Variants in MAP3K15 observed in about 807,000 individuals in gnomAD.
MAP3K15 encodes the protein MAPK/ERK kinase kinase 15.
MAP3K15 carries 124 observed loss-of-function variants against 99.5 expected under a neutral mutation model. The observed-to-expected ratio is 1.25, with a 90% CI of 1.08 to 1.45. MAP3K15 has a LOEUF of 1.45. Among genes scored for constraint, MAP3K15 ranks in the 40% most tolerant of loss-of-function variants. The probability of loss-of-function intolerance (pLI) is 0.00; values close to 1 mark genes in which losing one functional copy is unlikely to be tolerated. For missense variants in MAP3K15, 1,242 were observed against 1,079.7 expected, an observed-to-expected ratio of 1.15 and a Z score of -2.11; for synonymous variants, 494 against 439.6, an observed-to-expected ratio of 1.12 and a Z score of -1.55.
intron 6 of MAP3K15, among the ~76,000 whole-genome samples, chrX:19,447,599 C>T (rs1305796963): frequency 3.6e-5 from 4 of 109,980 alleles, no homozygotes; most frequent in African/African-American, 6.6e-5. Context: ...AACTCACCCA[C>T]GAGGCCGGGC....
At chrX:19,414,901 T>C (rs951391132) in intron 10 of MAP3K15, among the ~76,000 whole-genome samples, 1 of 111,984 alleles carries the variant, frequency 8.9e-6, no homozygotes, top group South Asian at 3.7e-4. Context: ...TTGCTTCCAA[T>C]TGAGAATGAC....
intron 1 of MAP3K15, among the ~76,000 whole-genome samples, chrX:19,507,433 G>A (rs758528092): frequency 2.4e-4 from 26 of 107,369 alleles, no homozygotes; most frequent in Non-Finnish European, 4.6e-4. Context: ...AAAATTAGCC[G>A]GGCACTGTGG....
At chrX:19,512,110 T>G (rs892562019) in intron 1 of MAP3K15, among the ~76,000 whole-genome samples, 1 of 108,426 alleles carries the variant, frequency 9.2e-6, no homozygotes, top group African/African-American at 3.4e-5. Context: ...TAAGTGGGAG[T>G]TGAACAATGA....
chrX:19,464,236 A>T lies in MAP3K15; in HGVS notation c.696T>A (p.Leu232=). The T allele has an allele frequency of 8.3e-7, 1 of 1,199,493 alleles. No homozygotes were observed. Among genetic ancestry groups the T allele is most frequent in the Non-Finnish European group, 1.1e-6 (1 of 894,748 alleles). ...ACCATGAGGTCACGTGGATGTCCTT[A>T]AGGAGGCTAATGAACCTGTCCACCA... ...MPLVDRFISL[L]KDIHVTSCVY... The change falls in exon 4 of 29, where the codon CTT becomes CTA. Residue 232 remains leucine (L), a synonymous_variant. Transcript: ENST00000338883.
At chrX:19,463,168 C>T (rs1569233290) in intron 4 of MAP3K15, among the ~76,000 whole-genome samples, 1 of 112,181 alleles carries the variant, frequency 8.9e-6, no homozygotes, top group Non-Finnish European at 1.9e-5. Context: ...CACAAAATGT[C>T]CCCCATTTGC....
chrX:19,432,230 AACAT>A (rs1250187698), intron 6 of MAP3K15, among the ~76,000 whole-genome samples: 1 of 110,944 alleles, frequency 9.0e-6, no homozygotes, highest in African/African-American at 3.3e-5. Context: ...AACTAAATGC[AACAT>A]ACATAGTCTG....
chrX:19,403,828 C>A (rs773929939), intron 13 of MAP3K15, among the ~76,000 whole-genome samples: 3 of 110,923 alleles, frequency 2.7e-5, no homozygotes, highest in South Asian at 7.6e-4. Flanking sequence ...TTAAGACTTT[C>A]TCAAATTACA....
intron 6 of MAP3K15, among the ~76,000 whole-genome samples, chrX:19,452,587 T>C (rs891637762): frequency 3.9e-4 from 44 of 111,989 alleles, no homozygotes; most frequent in Non-Finnish European, 8.1e-4. Context: ...GTAACCTAAA[T>C]GTCCATCGAC....
intron 4 of MAP3K15, among the ~76,000 whole-genome samples, chrX:19,462,902 T>A (rs1404320808): frequency 8.9e-6 from 1 of 112,444 alleles, no homozygotes; most frequent in Non-Finnish European, 1.9e-5. Flanking sequence ...AATAGGTATT[T>A]CAAGCCCTTT....
Position 19,373,649 on chromosome X carries a change from G to T in MAP3K15, c.2820C>A (p.Pro940=). ...VVLALPTQGE[P]MATSSSEHGS... is the part of the protein sequence containing the mutation. ...CGTGCTCGCTGCTGCTGGTGGCCAT[G>T]GGCTCTCCCTGTGTGGGCAGGGCCA... Residue 940 remains proline, a synonymous_variant, in exon 21 of 29, where the codon CCC becomes CCA. Transcript: ENST00000338883. 1 of 1,201,519 alleles carries T rather than the reference G, an allele frequency of 8.3e-7. No individual in the cohort carries two copies. The highest frequency in any genetic ancestry group is 1.1e-6 in the Non-Finnish European group (1 of 893,124).
At chrX:19,421,871 T>G (rs13304976) in intron 9 of MAP3K15, among the ~76,000 whole-genome samples, 2 of 109,105 alleles carry the variant, frequency 1.8e-5, no homozygotes, top group Non-Finnish European at 3.8e-5. Flanking sequence ...TCAGAAATAA[T>G]GCCGCATAGC....
intron 28 of MAP3K15, 143 bp downstream of exon 28, chrX:19,361,196 G>A (rs1259156243): frequency 8.4e-6 from 4 of 477,765 alleles, no homozygotes; most frequent in Non-Finnish European, 1.4e-5. Flanking sequence ...TTCAGTTTCT[G>A]CCCCACCTTG....
At chrX:19,448,905 C>T (rs1252280308) in intron 6 of MAP3K15, among the ~76,000 whole-genome samples, 1 of 109,525 alleles carries the variant, frequency 9.1e-6, no homozygotes, top group Non-Finnish European at 1.9e-5. Context: ...ATTTTTAAAG[C>T]CTCAAATTAA....
chrX:19,413,503 G>T, intron 10 of MAP3K15, 39 bp from the exon 11 acceptor site: 1 of 1,042,102 alleles, frequency 9.6e-7, no homozygotes, highest in South Asian at 2.0e-5. Flanking sequence ...TACATGGGTA[G>T]AAAACATAGC....
In MAP3K15 at chrX:19,515,251, C is replaced by G; in HGVS notation, c.11G>C (p.Gly4Ala). The G allele has an allele frequency of 1.1e-6, 1 of 892,120 alleles. No individual in the cohort carries two copies. Among genetic ancestry groups the G allele is most frequent in the Non-Finnish European group, 1.4e-6 (1 of 726,312 alleles). The allele number at this position is 892,120 out of a possible 1,213,427, so 73.5% of individuals were successfully genotyped here. A position where few individuals can be genotyped will look rare whatever the true frequency, so the allele number is the denominator to read the frequency against. ...GGCCCCGGCCGGAGCATTCCCACCG[C>G]CGCTCTCCATGTGCCCGCCTGCGCG... MES[G>A]GGNAPAGALG... Residue 4 changes from glycine to alanine, a missense_variant, in exon 1 of 29, where the codon GGC (glycine) becomes GCC (alanine). Physicochemically the swap from Gly to Ala is moderately conservative, Grantham distance 60 (BLOSUM62 0). Coordinates refer to ENST00000338883, the MANE Select transcript of MAP3K15 (RefSeq NM_001001671.4).
At chrX:19,377,153 A>T (rs1351405878) in intron 19 of MAP3K15, among the ~76,000 whole-genome samples, 1 of 112,504 alleles carries the variant, frequency 8.9e-6, no homozygotes, top group Non-Finnish European at 1.9e-5. Flanking sequence ...AAAGGAATGA[A>T]GGATCCCAGA....
In MAP3K15 at chrX:19,456,903, T is replaced by C. The variant is rs751102037; in HGVS notation, c.995+10A>G. The C allele has an allele frequency of 2.3e-5, 27 of 1,150,456 alleles. No homozygotes were observed. The South Asian group carries it at 4.9e-4, about 21-fold the overall frequency. The allele number at this position is 1,150,456 out of a possible 1,213,427, so 94.8% of individuals were successfully genotyped here. A position where few individuals can be genotyped will look rare whatever the true frequency, so the allele number is the denominator to read the frequency against. On this transcript the variant is annotated intron_variant, in intron 6 of 28. Coordinates refer to ENST00000338883, the MANE Select transcript of MAP3K15 (RefSeq NM_001001671.4). ...TGTTTCAAAACCTGTACGTACATTA[T>C]CGTTCTTACCTATTCAGTGCAAACG...
At position 19,360,381 on chromosome X, in the gene MAP3K15, C is replaced by A. The variant is rs1042452; in HGVS notation, c.*368G>T. 1 of 162,995 alleles carries A rather than the reference C, an allele frequency of 6.1e-6. No homozygotes were observed. Among genetic ancestry groups the A allele is most frequent in the Non-Finnish European group, 1.2e-5 (1 of 86,944 alleles). The allele number at this position is 162,995 out of a possible 1,213,427, so 13.4% of individuals were successfully genotyped here. Reference sequence around the variant, plus strand: ...GGGTGTACTTTTTTTGAGACAGGGTCGGGCTCTGTTGCCCAGGCTGGAGTG... The same window carrying A: ...GGGTGTACTTTTTTTGAGACAGGGTAGGGCTCTGTTGCCCAGGCTGGAGTG... On this transcript the variant is annotated 3_prime_UTR_variant, in exon 29 of 29. Coordinates refer to ENST00000338883, the MANE Select transcript of MAP3K15 (RefSeq NM_001001671.4).
At chrX:19,398,118 T>TGGTA (rs1050063373) in intron 15 of MAP3K15, 108 bp downstream of exon 15, 499 of 911,212 alleles carry the variant, frequency 5.5e-4, no homozygotes, top group Non-Finnish European at 6.9e-4. Flanking sequence ...ACAGGTTTTG[T>TGGTA]GGTAACACAA....
Sources: gnomAD v4.1 joint callset for allele counts (sites outside exome capture counted in the v4.1 genomes callset) on GRCh38, gnomAD v4.1.1 for gene constraint, MANE v1.5 for transcripts, NCBI Gene and HGNC (gene_info 2026-07-23, HGNC 2026-07-21) for gene names.